The following SF1 variants were observed in gnomAD, a reference collection of about 807,000 sequenced individuals.
SF1 encodes the protein splicing factor 1, also known as branch point-binding protein.
In SF1, 7 loss-of-function variants were observed where a neutral mutation model predicts 62.5. That is an observed-to-expected ratio of 0.11 (90% confidence interval 0.06 to 0.21). SF1 has a LOEUF of 0.21. Among genes scored for constraint, SF1 ranks in the 10% least tolerant of loss-of-function variants. The pLI is 1.00. For missense variants in SF1, 578 were observed against 884.0 expected, an observed-to-expected ratio of 0.65 and a Z score of 4.39; for synonymous variants, 394 against 323.6, an observed-to-expected ratio of 1.22 and a Z score of -2.33.
rs200580424 is a variant in SF1 at position 64,765,524 on chromosome 11, G to C, written c.*294C>G. The stretch of plus-strand genomic sequence containing the variant: ...CGCCGCCGCGGGGAGGGATCCTGGC[G>C]GCCCGGTTTGGGGAGAGGCAAAGGG... On this transcript the variant is annotated 3_prime_UTR_variant, in exon 13 of 13. Coordinates refer to ENST00000377390, the MANE Select transcript of SF1 (RefSeq NM_004630.4). 3.1e-6 allele frequency: 5 copies of C among 1,606,106 alleles called. No individual in the cohort carries two copies. The East Asian group carries it at 6.8e-5, about 22-fold the overall frequency.
At chr11:64,772,957 A>C in intron 3 of SF1, 1 of 987,566 alleles carries the variant, frequency 1.0e-6, no homozygotes, top group Non-Finnish European at 1.2e-6. Context: ...TTTTGAAACC[A>C]TCTCAAAACC....
Position 64,765,207 on chromosome 11 carries a change from G to A in SF1, c.*611C>T, listed in dbSNP as rs571201608. On this transcript the variant is annotated 3_prime_UTR_variant, in exon 13 of 13. Coordinates refer to ENST00000377390, the MANE Select transcript of SF1 (RefSeq NM_004630.4). The stretch of plus-strand genomic sequence containing the variant: ...CATTTGCTCCCCTCTCCTTGGTAAG[G>A]GAAGGAGAACTGGAGAGAAGGGAAA... 74 of 413,556 alleles carry A rather than the reference G, an allele frequency of 1.8e-4. No homozygotes were observed. The highest frequency in any genetic ancestry group is 2.6e-4 in the Non-Finnish European group (61 of 230,244). The allele number at this position is 413,556 out of a possible 1,614,324, so 25.6% of individuals were successfully genotyped here.
intron 1 of SF1, among the ~76,000 whole-genome samples, chr11:64,776,947 T>C (rs1243538608): frequency 6.6e-6 from 1 of 152,222 alleles, no homozygotes; most frequent in Non-Finnish European, 1.5e-5. Context: ...ACATCAACCA[T>C]GAGTGCTCTG....
intron 2 of SF1, among the ~76,000 whole-genome samples, chr11:64,774,599 T>C (rs1408937065): frequency 6.6e-6 from 1 of 152,100 alleles, no homozygotes; most frequent in Admixed American, 6.6e-5. Context: ...TAACTTTAAA[T>C]ACATCCACAG....
intron 3 of SF1, 98 bp downstream of exon 3, chr11:64,773,330 CTA>C: frequency 6.5e-7 from 1 of 1,539,690 alleles, no homozygotes; most frequent in Non-Finnish European, 8.7e-7. Context: ...AGTCGTCATA[CTA>C]TGATTTTATT....
At chr11:64,767,898 A>T in intron 9 of SF1, 54 bp from the exon 10 acceptor site, 1 of 1,588,292 alleles carries the variant, frequency 6.3e-7, no homozygotes, top group Non-Finnish European at 8.5e-7. Flanking sequence ...TAGTGGCAAC[A>T]TTGTTCTTCG....
chr11:64,769,330 G>A lies in SF1; in HGVS notation c.672C>T (p.Asn224=), dbSNP rs759657783. 2.2e-5 allele frequency: 35 copies of A among 1,614,056 alleles called. No homozygotes were observed. The highest frequency in any genetic ancestry group is 3.0e-5 in the Non-Finnish European group (35 of 1,180,016). ...NVKKAVEQIR[N]ILKQGIETPE... is the part of the protein sequence containing the mutation. ...GAGTCTCGATACCCTGCTTCAGGATGTTTCTTATCTAGTGAAAATGCAATG... is the reference window on the plus strand; with the variant it reads ...GAGTCTCGATACCCTGCTTCAGGATATTTCTTATCTAGTGAAAATGCAATG... Residue 224 remains asparagine (N), a synonymous_variant, in exon 7 of 13, where the codon AAC becomes AAT. Coordinates refer to ENST00000377390, the MANE Select transcript of SF1 (RefSeq NM_004630.4).
chr11:64,776,481 G>A lies in SF1; in HGVS notation c.160+17C>T, dbSNP rs141689655. 2 of 1,567,394 alleles carry A rather than the reference G, an allele frequency of 1.3e-6. No individual in the cohort carries two copies. The highest frequency in any genetic ancestry group is 1.7e-6 in the Non-Finnish European group (2 of 1,161,704). ...TAACAATCTCAAAGTGCATTTGGAT[G>A]CAGAACGTATATTTACCTATATAAG... On this transcript the variant is annotated intron_variant, in intron 2 of 12. Transcript: ENST00000377390.
chr11:64,777,909 C>T (rs1463466272), intron 1 of SF1: 13 of 953,528 alleles, frequency 1.4e-5, no homozygotes, highest in Non-Finnish European at 1.6e-5. Flanking sequence ...GTGCAGCCGC[C>T]GTCGCCGCCG....
intron 3 of SF1, chr11:64,772,035 A>T: frequency 1.0e-6 from 1 of 985,400 alleles, no homozygotes; most frequent in Non-Finnish European, 1.2e-6. Flanking sequence ...TCTTACCAGC[A>T]CCCAATTGGC....
In SF1 at chr11:64,778,523, G is replaced by A; in HGVS notation, c.-131C>T. The A allele has an allele frequency of 1.7e-6, 2 of 1,208,878 alleles. No individual in the cohort carries two copies. The highest frequency in any genetic ancestry group is 1.0e-6 in the Non-Finnish European group (1 of 972,716). 74.9% of individuals were successfully genotyped at this position (1,208,878 alleles called of 1,614,324 possible). A position where few individuals can be genotyped will look rare whatever the true frequency, so the allele number is the denominator to read the frequency against. On this transcript the variant is annotated 5_prime_UTR_variant, in exon 1 of 13. Transcript: ENST00000377390. ...GAGCCCGTCCTCTCACGCGGCGGGC[G>A]GCGGCGGCGCGAGACGCACAAAGAG... is the stretch of plus-strand genomic sequence containing the variant.
intron 5 of SF1, 150 bp from the exon 6 acceptor site, chr11:64,769,759 A>G: frequency 1.3e-6 from 1 of 795,996 alleles, no homozygotes; most frequent in Non-Finnish European, 2.0e-6. Flanking sequence ...TATTATGGTC[A>G]GCCACAGTAA....
Position 64,764,619 on chromosome 11 carries a change from A to C in SF1, c.*1199T>G, listed in dbSNP as rs553076508. 1 of 152,628 alleles carries C rather than the reference A, an allele frequency of 6.6e-6. No individual in the cohort carries two copies. The highest frequency in any genetic ancestry group is 2.4e-5 in the African/African-American group (1 of 41,564). 9.5% of individuals were successfully genotyped at this position (152,628 alleles called of 1,614,324 possible). On this transcript the variant is annotated 3_prime_UTR_variant, in exon 13 of 13. Coordinates refer to ENST00000377390, the MANE Select transcript of SF1 (RefSeq NM_004630.4). ...TAAAGAAGCAGACCCAGAAAACCAC[A>C]CTGCTCTTTTATTCAATGGAACATC...
chr11:64,767,949 C>CCTT, intron 9 of SF1, 105 bp from the exon 10 acceptor site: 2 of 1,495,044 alleles, frequency 1.3e-6, no homozygotes. Context: ...AAGGTCTTCC[C>CCTT]GAAGTGAGAA....
intron 3 of SF1, chr11:64,771,452 A>G: frequency 1.0e-6 from 1 of 985,382 alleles, no homozygotes; most frequent in South Asian, 4.7e-5. Flanking sequence ...AAAGTAATCA[A>G]GACTCCTATA....
intron 8 of SF1, 101 bp downstream of exon 8, chr11:64,768,921 G>A (rs1032336705): frequency 8.4e-6 from 7 of 832,728 alleles, no homozygotes; most frequent in Admixed American, 1.7e-5. Context: ...TAACAGAAAG[G>A]ATGTTTCTCT....
chr11:64,770,079 GCA>G, intron 4 of SF1, 26 bp from the exon 5 acceptor site: 1 of 1,592,142 alleles, frequency 6.3e-7, no homozygotes, highest in Non-Finnish European at 8.6e-7. Flanking sequence ...CTGTGTCACC[GCA>G]CATTTCTGGA....
At position 64,778,422 on chromosome 11, in the gene SF1, G is replaced by A. The variant is rs1939773169; in HGVS notation, c.-30C>T. 3.3e-6 allele frequency: 4 copies of A among 1,224,332 alleles called. No homozygotes were observed. Among genetic ancestry groups the A allele is most frequent in the Non-Finnish European group, 4.1e-6 (4 of 982,006 alleles). 75.8% of individuals were successfully genotyped at this position (1,224,332 alleles called of 1,614,324 possible). A position where few individuals can be genotyped will look rare whatever the true frequency, so the allele number is the denominator to read the frequency against. The stretch of plus-strand genomic sequence containing the variant: ...CCCCCGGGGACAGGCACCGGCACCT[G>A]CTTTTCCTCTGCGGCGGCTTCTCCT... On this transcript the variant is annotated 5_prime_UTR_variant, in exon 1 of 13. Transcript: ENST00000377390.
Position 64,769,254 on chromosome 11 carries a change from A to G in SF1, c.748T>C (p.Leu250=). ...RKMQLRELAR[L]NGTLREDDNR... is the part of the protein sequence containing the mutation. ...TCGTCTTCCCGAAGGGTCCCATTTA[A>G]GCGAGCCAACTCCCGAAGCTGCATC... The change falls in exon 7 of 13, where the codon TTA becomes CTA. Residue 250 remains leucine, a synonymous_variant. Transcript: ENST00000377390. The G allele has an allele frequency of 6.2e-7, 1 of 1,614,158 alleles. No homozygotes were observed. The highest frequency in any genetic ancestry group is 8.5e-7 in the Non-Finnish European group (1 of 1,180,040).
Sources: allele counts gnomAD v4.1 joint callset (sites outside exome capture counted in the v4.1 genomes callset), GRCh38; gene constraint gnomAD v4.1.1; transcripts MANE v1.5; gene names NCBI Gene and HGNC (gene_info 2026-07-23, HGNC 2026-07-21).